The following ANO3 variants were observed in gnomAD, a reference collection of about 807,000 sequenced individuals.
ANO3 encodes anoctamin-3.
Under a neutral mutation model 144.8 loss-of-function variants are expected in ANO3, and 99 were observed. The observed-to-expected ratio is 0.68, with a 90% CI of 0.58 to 0.81. ANO3 has a LOEUF of 0.81. Among genes scored for constraint, ANO3 ranks in the 30% least tolerant of loss-of-function variants. The probability of loss-of-function intolerance (pLI) is 0.00; values close to 1 mark genes in which losing one functional copy is unlikely to be tolerated. For missense variants in ANO3, 905 were observed against 1,202.2 expected, an observed-to-expected ratio of 0.75 and a Z score of 3.66; for synonymous variants, 414 against 392.6, an observed-to-expected ratio of 1.05 and a Z score of -0.64.
chr11:26,207,289 T>C lies in ANO3; in HGVS notation c.154+17959T>C, dbSNP rs1181311046. On this transcript the variant is annotated intron_variant, in intron 1 of 27. Coordinates refer to the ANO3 transcript ENST00000672621. The stretch of plus-strand genomic sequence containing the variant: ...GTATAAATGGCTTACAAAAAATCAG[T>C]TTCTTAAATGCATAGTTAATATTCT... Among the ~76,000 whole-genome samples, 4 of 152,298 alleles carry C rather than the reference T, an allele frequency of 2.6e-5. No homozygotes were observed. The East Asian group carries it at 7.7e-4, about 29-fold the overall frequency.
chr11:26,257,863 A>C (rs1377334096), intron 1 of ANO3, among the ~76,000 whole-genome samples: 1 of 152,180 alleles, frequency 6.6e-6, no homozygotes, highest in African/African-American at 2.4e-5. Context: ...CAGAAGTAAA[A>C]ACTATTGTGT....
chr11:26,231,306 T>C (rs2349810), intron 1 of ANO3, among the ~76,000 whole-genome samples: 46,483 of 152,106 alleles, frequency 0.31, 7,791 homozygotes, highest in Non-Finnish European at 0.37. Context: ...GAGAATGTGT[T>C]CTAGTCTGCT....
At chr11:26,288,178 A>C (rs952146309) in intron 1 of ANO3, among the ~76,000 whole-genome samples, 2 of 152,210 alleles carry the variant, frequency 1.3e-5, no homozygotes, top group African/African-American at 4.8e-5. Flanking sequence ...GTGGAGAGGC[A>C]TAAGAGAAGG....
chr11:26,421,519 C>G (rs919102377), intron 1 of ANO3, among the ~76,000 whole-genome samples: 1 of 152,022 alleles, frequency 6.6e-6, no homozygotes, highest in African/African-American at 2.4e-5. Flanking sequence ...CTAAGCCCCA[C>G]AGGCAGACAA....
At chr11:26,355,468 G>GA (rs1554943717) in intron 1 of ANO3, among the ~76,000 whole-genome samples, 2 of 150,188 alleles carry the variant, frequency 1.3e-5, no homozygotes, top group Non-Finnish European at 3.0e-5. Context: ...ACTTTCTTTT[G>GA]TTTTTTCTCT....
chr11:26,415,056 A>ACGTG (rs1857541342), intron 1 of ANO3, among the ~76,000 whole-genome samples: 1 of 145,458 alleles, frequency 6.9e-6, no homozygotes, highest in Non-Finnish European at 1.5e-5. Flanking sequence ...ATTGGTGTGT[A>ACGTG]TGTGTGTGTG....
At chr11:26,480,951 G>A (rs1860191460) in intron 4 of ANO3, among the ~76,000 whole-genome samples, 1 of 152,074 alleles carries the variant, frequency 6.6e-6, no homozygotes, top group Non-Finnish European at 1.5e-5. Flanking sequence ...TTGGAAAATT[G>A]TTTAAATTTT....
chr11:26,376,590 G>A (rs184494485), intron 1 of ANO3, among the ~76,000 whole-genome samples: 185 of 151,734 alleles, frequency 1.2e-3, no homozygotes, highest in Non-Finnish European at 1.7e-3. Flanking sequence ...AAGTTTATTC[G>A]CACCCCTACC....
intron 14 of ANO3, among the ~76,000 whole-genome samples, chr11:26,577,564 CAAAAA>C (rs56856563): frequency 3.1e-5 from 4 of 129,816 alleles, no homozygotes; most frequent in Non-Finnish European, 3.2e-5. Context: ...GACTCCGTCT[CAAAAA>C]AAAAAAAAAA....
intron 1 of ANO3, among the ~76,000 whole-genome samples, chr11:26,409,201 C>A (rs867969723): frequency 6.6e-6 from 1 of 151,716 alleles, no homozygotes; most frequent in Non-Finnish European, 1.5e-5. Flanking sequence ...CTCCCAAACC[C>A]ACCCCAAGAA....
Position 26,656,083 on chromosome 11 carries a change from G to C in ANO3, c.2577-42G>C, listed in dbSNP as rs188269981. On this transcript the variant is annotated intron_variant, in intron 24 of 26. Coordinates refer to ENST00000256737, the MANE Select transcript of ANO3 (RefSeq NM_031418.4). ...GTAATAAAATAATTAGGCTAGAAACGTATGAATCTTTGAATCACATGATAT... is the reference window on the plus strand; with the variant it reads ...GTAATAAAATAATTAGGCTAGAAACCTATGAATCTTTGAATCACATGATAT... The C allele has an allele frequency of 4.2e-6, 6 of 1,420,582 alleles. No homozygotes were observed. In the East Asian group the frequency reaches 1.1e-4, roughly 27 times the overall value. 88.0% of individuals were successfully genotyped at this position (1,420,582 alleles called of 1,614,324 possible). A position where few individuals can be genotyped will look rare whatever the true frequency, so the allele number is the denominator to read the frequency against.
chr11:26,266,075 T>C (rs1244353811), intron 1 of ANO3, among the ~76,000 whole-genome samples: 2 of 152,158 alleles, frequency 1.3e-5, no homozygotes, highest in Non-Finnish European at 2.9e-5. Flanking sequence ...AAAATGAAAT[T>C]CATTACCCAA....
At chr11:26,324,922 G>A (rs1053795904) in intron 1 of ANO3, among the ~76,000 whole-genome samples, 2 of 152,140 alleles carry the variant, frequency 1.3e-5, no homozygotes, top group Non-Finnish European at 2.9e-5. Context: ...TAATTAAATT[G>A]ATTGGTTGCT....
chr11:26,311,370 A>G (rs2133870812), intron 1 of ANO3, among the ~76,000 whole-genome samples: 1 of 152,302 alleles, frequency 6.6e-6, no homozygotes, highest in South Asian at 2.1e-4. Context: ...CCTGACCGGG[A>G]CTTGAACCCA....
chr11:26,191,007 A>G (rs1051547121), intron 1 of ANO3, among the ~76,000 whole-genome samples: 7 of 152,188 alleles, frequency 4.6e-5, no homozygotes, highest in Admixed American at 4.6e-4. Flanking sequence ...TATCTCCACC[A>G]TGACAGCCTC....
At chr11:26,381,922 C>T (rs1450849845) in intron 1 of ANO3, among the ~76,000 whole-genome samples, 1 of 152,026 alleles carries the variant, frequency 6.6e-6, no homozygotes, top group African/African-American at 2.4e-5. Context: ...TTTTTTATCT[C>T]TTGAAAATAT....
intron 1 of ANO3, among the ~76,000 whole-genome samples, chr11:26,358,170 C>CTTTTTTTTTTTTTTTTTTTTTTTTTTTT (rs34078380): frequency 8.4e-6 from 1 of 119,690 alleles, no homozygotes. Context: ...ACAATTTCAA[C>CTTTTTTTTTTTTTTTTTTTTTTTTTTTT]TTTTTTTTTT....
intron 1 of ANO3, among the ~76,000 whole-genome samples, chr11:26,253,064 G>A (rs997302133): frequency 2.0e-5 from 3 of 152,098 alleles, no homozygotes; most frequent in African/African-American, 4.8e-5. Flanking sequence ...CTTCTTTAAC[G>A]CTTCACAATA....
intron 11 of ANO3, among the ~76,000 whole-genome samples, chr11:26,544,273 T>C (rs71480125): frequency 0.094 from 5,499 of 58,692 alleles, 642 homozygotes; most frequent in Admixed American, 0.19. Flanking sequence ...TATATATATA[T>C]ACACACATAC....
Sources: gnomAD v4.1 joint callset for allele counts (sites outside exome capture counted in the v4.1 genomes callset) on GRCh38, gnomAD v4.1.1 for gene constraint, MANE v1.5 for transcripts, NCBI Gene and HGNC (gene_info 2026-07-23, HGNC 2026-07-21) for gene names.